FBXO34: variants seen among roughly 807,000 people sequenced by gnomAD.
The protein encoded by FBXO34 is F-box only protein 34.
A neutral mutation model predicts 24.5 loss-of-function variants in FBXO34; 12 were observed. The ratio of observed to expected loss-of-function variants is 0.49; its 90% CI spans 0.31 to 0.79. The LOEUF is 0.79. Among genes scored for constraint, FBXO34 ranks in the 30% least tolerant of loss-of-function variants. The pLI is 0.04. For missense variants in FBXO34, 823 were observed against 857.7 expected (o/e 0.96, Z 0.51); for synonymous variants, 320 against 311.9 (o/e 1.03, Z -0.27).
Position 55,333,734 on chromosome 14 carries a change from A to T in FBXO34, c.-10-16647A>T, listed in dbSNP as rs550324546. Among the ~76,000 whole-genome samples, 959 of 127,170 alleles carry T rather than the reference A, an allele frequency of 7.5e-3. 13 individuals carry two copies. Among genetic ancestry groups the T allele is most frequent in the African/African-American group, 0.03 (897 of 30,354 alleles). The allele number at this position is 127,170 out of a possible 152,430, so 83.4% of individuals were successfully genotyped here. A position where few individuals can be genotyped will look rare whatever the true frequency, so the allele number is the denominator to read the frequency against. On this transcript the variant is annotated intron_variant, in intron 1 of 1. Coordinates refer to ENST00000313833, the MANE Select transcript of FBXO34 (RefSeq NM_017943.4). Reference sequence around the variant, plus strand: ...AATGCTGGGGTGGCTTTTTTTTTTTAAATCTATGTAAACATGACCCTATTA... The same window carrying T: ...AATGCTGGGGTGGCTTTTTTTTTTTTAATCTATGTAAACATGACCCTATTA...
the FBXO34 span, among the ~76,000 whole-genome samples, chr14:55,379,825 C>T: frequency 6.6e-6 from 1 of 152,180 alleles, no homozygotes; most frequent in African/African-American, 2.4e-5. Flanking sequence ...CGGATTCAAG[C>T]GATTCTTCTG....
At chr14:55,431,685 G>T in the FBXO34 span, among the ~76,000 whole-genome samples, 1 of 152,146 alleles carries the variant, frequency 6.6e-6, no homozygotes, top group African/African-American at 2.4e-5. Flanking sequence ...AAACAGATTG[G>T]GGGAAATGTA....
At chr14:55,435,941 A>C in the FBXO34 span, 1 of 1,547,820 alleles carries the variant, frequency 6.5e-7, no homozygotes, top group Non-Finnish European at 8.7e-7. Flanking sequence ...ATTCCTGAAG[A>C]AATAAGTCAG....
At chr14:55,435,353 G>A in the FBXO34 span, among the ~76,000 whole-genome samples, 5 of 149,386 alleles carry the variant, frequency 3.3e-5, no homozygotes, top group African/African-American at 1.2e-4. Context: ...TTGGCTCACT[G>A]CAACCTCTGC....
the FBXO34 span, chr14:55,385,727 A>G: frequency 1.9e-5 from 16 of 859,274 alleles, no homozygotes; most frequent in Admixed American, 2.7e-5. Context: ...GTTGAAACAG[A>G]TAAGACTTAT....
At chr14:55,379,876 A>G in the FBXO34 span, among the ~76,000 whole-genome samples, 2 of 152,214 alleles carry the variant, frequency 1.3e-5, no homozygotes, top group African/African-American at 4.8e-5. Context: ...GCAGGCCACC[A>G]TGCCCAGCTA....
chr14:55,330,393 T>C (rs2140044907), intron 1 of FBXO34, among the ~76,000 whole-genome samples: 2 of 152,334 alleles, frequency 1.3e-5, no homozygotes, highest in South Asian at 2.1e-4. Context: ...GGATTTGTCA[T>C]ATAAATGGGT....
the FBXO34 span, among the ~76,000 whole-genome samples, chr14:55,441,435 C>A: frequency 6.6e-6 from 1 of 152,226 alleles, no homozygotes; most frequent in Non-Finnish European, 1.5e-5. Context: ...GGATTACAGG[C>A]ATGAGCCACT....
At chr14:55,399,289 A>G in the FBXO34 span, among the ~76,000 whole-genome samples, 2 of 152,268 alleles carry the variant, frequency 1.3e-5, no homozygotes, top group South Asian at 2.1e-4. Context: ...AATTATATTA[A>G]AAGTTCAGTT....
chr14:55,322,578 C>G (rs941916211), intron 1 of FBXO34, among the ~76,000 whole-genome samples: 2 of 152,030 alleles, frequency 1.3e-5, no homozygotes, highest in African/African-American at 2.4e-5. Context: ...TCAAGTGATC[C>G]TCTCACCTGG....
chr14:55,442,186 C>T, the FBXO34 span, among the ~76,000 whole-genome samples: 1 of 151,276 alleles, frequency 6.6e-6, no homozygotes, highest in Non-Finnish European at 1.5e-5. Flanking sequence ...GTCAGGAGTT[C>T]AAGACCAGCC....
chr14:55,390,075 A>C, the FBXO34 span, among the ~76,000 whole-genome samples: 1 of 152,106 alleles, frequency 6.6e-6, no homozygotes, highest in Non-Finnish European at 1.5e-5. Context: ...TACATTCCTT[A>C]ACTTTTTTTT....
At chr14:55,320,072 G>A (rs1419273933) in intron 1 of FBXO34, among the ~76,000 whole-genome samples, 1 of 152,132 alleles carries the variant, frequency 6.6e-6, no homozygotes, top group Admixed American at 6.5e-5. Flanking sequence ...AAAAAAAAAT[G>A]TATGCAATTG....
chr14:55,319,047 A>G (rs549741629), intron 1 of FBXO34, among the ~76,000 whole-genome samples: 10 of 152,166 alleles, frequency 6.6e-5, no homozygotes, highest in Admixed American at 1.3e-4. Flanking sequence ...CCAGTGTAGA[A>G]GGGTCATAGG....
At chr14:55,331,679 A>G (rs1438356161) in intron 1 of FBXO34, among the ~76,000 whole-genome samples, 1 of 68,988 alleles carries the variant, frequency 1.4e-5, no homozygotes, top group African/African-American at 1.3e-4. Context: ...GTGTATATAT[A>G]TATATGTGTA....
intron 1 of FBXO34, among the ~76,000 whole-genome samples, chr14:55,347,954 G>A (rs1486017692): frequency 1.3e-5 from 2 of 152,308 alleles, no homozygotes; most frequent in South Asian, 2.1e-4. Flanking sequence ...GGGGTTGAAC[G>A]GATATGAAAA....
intron 1 of FBXO34, among the ~76,000 whole-genome samples, chr14:55,276,967 A>C (rs1013133874): frequency 6.6e-6 from 1 of 152,218 alleles, no homozygotes; most frequent in Non-Finnish European, 1.5e-5. Context: ...AGGCCAGGTG[A>C]ATAAGGATAA....
the FBXO34 span, among the ~76,000 whole-genome samples, chr14:55,421,071 A>G: frequency 6.6e-6 from 1 of 151,660 alleles, no homozygotes. Context: ...AAAAAAAAAA[A>G]AAAAAAAGAA....
chr14:55,278,654 G>T (rs1881425942), intron 1 of FBXO34, among the ~76,000 whole-genome samples: 1 of 152,182 alleles, frequency 6.6e-6, no homozygotes, highest in African/African-American at 2.4e-5. Flanking sequence ...ACATTAAAAT[G>T]TAGTTATAAA....
Sources: allele counts gnomAD v4.1 joint callset (sites outside exome capture counted in the v4.1 genomes callset), GRCh38; gene constraint gnomAD v4.1.1; transcripts MANE v1.5; gene names NCBI Gene and HGNC (gene_info 2026-07-23, HGNC 2026-07-21).